The following DKK2 variants were observed in gnomAD, a reference collection of about 807,000 sequenced individuals.
The protein encoded by DKK2 is dickkopf Wnt signaling pathway inhibitor 2.
A neutral mutation model predicts 28.1 loss-of-function variants in DKK2; 11 were observed. That is an observed-to-expected ratio of 0.39 (90% CI 0.25 to 0.65). The LOEUF (loss-of-function observed/expected upper bound fraction) is 0.65, where lower values mean the gene tolerates loss of function less well. Among genes scored for constraint, DKK2 ranks in the 30% least tolerant of loss-of-function variants. The pLI is 0.47. For missense variants in DKK2, 326 were observed against 335.5 expected, an observed-to-expected ratio of 0.97 and a Z score of 0.22; for synonymous variants, 135 against 126.5, an observed-to-expected ratio of 1.07 and a Z score of -0.45.
chr4:106,925,961 T>A lies in DKK2; in HGVS notation c.223-12A>T. On this transcript the variant is annotated splice_polypyrimidine_tract_variant and intron_variant, in intron 1 of 3. Coordinates refer to ENST00000285311, the MANE Select transcript of DKK2 (RefSeq NM_014421.3). Reference sequence around the variant, plus strand: ...CTACAAGGGTAGGCCTGTCATCAAGTGGAACAACACCAGAAGTAAAGGATT... The same window carrying A: ...CTACAAGGGTAGGCCTGTCATCAAGAGGAACAACACCAGAAGTAAAGGATT... 1 of 1,594,716 alleles carries A rather than the reference T, an allele frequency of 6.3e-7. No individual in the cohort carries two copies. The highest frequency in any genetic ancestry group is 1.1e-5 in the South Asian group (1 of 88,186).
chr4:106,944,070 A>T (rs1369104601), intron 1 of DKK2, among the ~76,000 whole-genome samples: 1 of 152,088 alleles, frequency 6.6e-6, no homozygotes, highest in Non-Finnish European at 1.5e-5. Context: ...GATCAAGAAT[A>T]TATTTCATGA....
At chr4:106,929,180 A>G (rs548360558) in intron 1 of DKK2, among the ~76,000 whole-genome samples, 1 of 152,292 alleles carries the variant, frequency 6.6e-6, no homozygotes, top group East Asian at 1.9e-4. Flanking sequence ...GAAATCAATA[A>G]TATGCTTACC....
intron 1 of DKK2, among the ~76,000 whole-genome samples, chr4:106,967,577 A>T (rs1578361160): frequency 6.6e-6 from 1 of 152,144 alleles, no homozygotes; most frequent in South Asian, 2.1e-4. Flanking sequence ...AAGAAACAGG[A>T]AGCTACAGGA....
intron 1 of DKK2, among the ~76,000 whole-genome samples, chr4:106,980,720 G>T (rs1365749941): frequency 6.6e-6 from 1 of 152,226 alleles, no homozygotes; most frequent in African/African-American, 2.4e-5. Flanking sequence ...TATTAAGCAG[G>T]TTTCATGTGT....
chr4:106,984,208 G>A (rs1319014893), intron 1 of DKK2, among the ~76,000 whole-genome samples: 1 of 152,156 alleles, frequency 6.6e-6, no homozygotes. Context: ...ATTAATAAAT[G>A]TATCATCTTA....
chr4:106,986,611 T>C (rs1015459046), intron 1 of DKK2, among the ~76,000 whole-genome samples: 8 of 152,160 alleles, frequency 5.3e-5, no homozygotes, highest in Admixed American at 5.2e-4. Flanking sequence ...TTCAGGGAAG[T>C]GTTCTAGATT....
At chr4:106,935,387 C>T (rs954416407) in intron 1 of DKK2, among the ~76,000 whole-genome samples, 8 of 152,198 alleles carry the variant, frequency 5.3e-5, no homozygotes, top group South Asian at 2.1e-4. Flanking sequence ...CACTCCCACC[C>T]GAATACTGCG....
chr4:106,964,998 TAGA>T (rs1180853649), intron 1 of DKK2, among the ~76,000 whole-genome samples: 4 of 149,892 alleles, frequency 2.7e-5, no homozygotes, highest in Non-Finnish European at 4.4e-5. Context: ...GATAGATAGA[TAGA>T]TAGATTGATT....
intron 1 of DKK2, among the ~76,000 whole-genome samples, chr4:106,949,146 G>T (rs754594195): frequency 7.2e-5 from 11 of 152,150 alleles, no homozygotes; most frequent in Non-Finnish European, 1.2e-4. Context: ...CATTTAGTTT[G>T]AGGTTGGGTA....
At chr4:106,990,996 ATTGT>A (rs1314655017) in intron 1 of DKK2, among the ~76,000 whole-genome samples, 4 of 152,188 alleles carry the variant, frequency 2.6e-5, no homozygotes, top group African/African-American at 9.7e-5. Context: ...CAGGCATCAG[ATTGT>A]TTATTTGTTA....
intron 1 of DKK2, among the ~76,000 whole-genome samples, chr4:106,958,011 T>A (rs1316223064): frequency 6.6e-6 from 1 of 150,940 alleles, no homozygotes; most frequent in East Asian, 1.9e-4. Context: ...TAGCTGACCA[T>A]GTCTATTAAA....
chr4:106,947,434 G>A (rs1456142112), intron 1 of DKK2, among the ~76,000 whole-genome samples: 11 of 152,040 alleles, frequency 7.2e-5, no homozygotes, highest in Non-Finnish European at 1.5e-5. Flanking sequence ...TCATTAAAAT[G>A]TCACATTGTT....
At chr4:107,027,521 C>T (rs1723803926) in intron 1 of DKK2, among the ~76,000 whole-genome samples, 1 of 151,878 alleles carries the variant, frequency 6.6e-6, no homozygotes, top group African/African-American at 2.4e-5. Flanking sequence ...CTGAGTCCTC[C>T]TGGAAGAGAC....
intron 1 of DKK2, among the ~76,000 whole-genome samples, chr4:106,949,191 T>G (rs529853834): frequency 6.6e-6 from 1 of 152,320 alleles, no homozygotes; most frequent in Admixed American, 6.5e-5. Flanking sequence ...ACAGTAGGGC[T>G]GACAATGTCT....
chr4:107,000,037 G>A (rs925017334), intron 1 of DKK2, among the ~76,000 whole-genome samples: 1 of 152,178 alleles, frequency 6.6e-6, no homozygotes, highest in Non-Finnish European at 1.5e-5. Flanking sequence ...GAAGAGGAAA[G>A]TGTGTAATGG....
intron 1 of DKK2, among the ~76,000 whole-genome samples, chr4:107,029,078 A>G (rs1452314056): frequency 6.6e-6 from 1 of 152,218 alleles, no homozygotes; most frequent in Non-Finnish European, 1.5e-5. Flanking sequence ...TGCCTGCCTT[A>G]GTATCCATGA....
At chr4:107,001,275 A>T (rs1168120551) in intron 1 of DKK2, among the ~76,000 whole-genome samples, 1 of 152,188 alleles carries the variant, frequency 6.6e-6, no homozygotes, top group African/African-American at 2.4e-5. Flanking sequence ...GCCTTCAGAG[A>T]GAACATGGTT....
intron 1 of DKK2, among the ~76,000 whole-genome samples, chr4:106,985,829 AG>A (rs1224578402): frequency 2.7e-5 from 4 of 150,330 alleles, no homozygotes; most frequent in Non-Finnish European, 5.9e-5. Flanking sequence ...AAAAAAAAAA[AG>A]AAAAAAGAAA....
At chr4:106,966,717 A>G (rs1254498747) in intron 1 of DKK2, among the ~76,000 whole-genome samples, 1 of 152,200 alleles carries the variant, frequency 6.6e-6, no homozygotes, top group Non-Finnish European at 1.5e-5. Context: ...GGTCACAATG[A>G]GGAACTCTCT....
Sources: gnomAD v4.1 joint callset for allele counts (sites outside exome capture counted in the v4.1 genomes callset) on GRCh38, gnomAD v4.1.1 for gene constraint, MANE v1.5 for transcripts, NCBI Gene and HGNC (gene_info 2026-07-23, HGNC 2026-07-21) for gene names.